RC3H1: variants seen among roughly 807,000 people sequenced by gnomAD.
RC3H1 encodes the protein roquin-1.
Under a neutral mutation model 138.2 loss-of-function variants are expected in RC3H1, and 50 were observed. The observed-to-expected ratio is 0.36, with a 90% CI of 0.29 to 0.46. The LOEUF (loss-of-function observed/expected upper bound fraction) is 0.46, where lower values mean the gene tolerates loss of function less well. RC3H1 is among the 20% of genes least tolerant of loss of function. The pLI, the probability that RC3H1 is intolerant of heterozygous loss-of-function variation, is 1.00. For missense variants in RC3H1, 1,031 were observed against 1,388.1 expected, an observed-to-expected ratio of 0.74 and a Z score of 4.09; for synonymous variants, 462 against 489.1, an observed-to-expected ratio of 0.94 and a Z score of 0.73.
At chr1:173,949,028 A>G (rs1394515173) in intron 14 of RC3H1, among the ~76,000 whole-genome samples, 4 of 150,594 alleles carry the variant, frequency 2.7e-5, no homozygotes, top group Non-Finnish European at 5.9e-5. Flanking sequence ...TTTCGTTCCA[A>G]TAAGAGCCTT....
chr1:173,985,865 T>C (rs1168274231), intron 2 of RC3H1, among the ~76,000 whole-genome samples: 1 of 152,226 alleles, frequency 6.6e-6, no homozygotes, highest in Non-Finnish European at 1.5e-5. Flanking sequence ...CATATGCTTA[T>C]TATCCATTTG....
At chr1:173,974,733 G>A (rs1475469765) in intron 7 of RC3H1, among the ~76,000 whole-genome samples, 1 of 152,120 alleles carries the variant, frequency 6.6e-6, no homozygotes, top group Non-Finnish European at 1.5e-5. Context: ...TATAGATCAT[G>A]GGAAGGATAC....
At chr1:173,948,775 G>A (rs1334226770) in intron 14 of RC3H1, among the ~76,000 whole-genome samples, 1 of 151,708 alleles carries the variant, frequency 6.6e-6, no homozygotes, top group Non-Finnish European at 1.5e-5. Context: ...TTGAAGAGAT[G>A]GGGTCTTGCT....
chr1:173,945,263 C>T (rs1029826304), intron 17 of RC3H1, among the ~76,000 whole-genome samples: 1 of 151,860 alleles, frequency 6.6e-6, no homozygotes, highest in Non-Finnish European at 1.5e-5. Flanking sequence ...GTAGCTGAGA[C>T]TACAGGCGTG....
At chr1:173,973,072 T>A (rs1660433517) in intron 7 of RC3H1, among the ~76,000 whole-genome samples, 1 of 152,218 alleles carries the variant, frequency 6.6e-6, no homozygotes, top group Non-Finnish European at 1.5e-5. Flanking sequence ...AAACTTGAGA[T>A]TTTTAAGTAA....
rs1181244870 is a variant in RC3H1, at chr1:173,992,976, G to C, written c.10C>G (p.Gln4Glu). ...AGGAAATCCGTCCATTGTGGAGCTT[G>C]TACAGGCATTGCTTCTGGAGTTACA... Reference protein sequence around the residue: MPVQAPQWTDFLSC... With the variant: MPVEAPQWTDFLSC... The change falls in exon 2 of 20, where the codon CAA becomes GAA. Residue 4 changes from glutamine (Q) to glutamate (E), a missense_variant. By Grantham distance (29) the Gln-to-Glu change is conservative (BLOSUM62 2). Coordinates refer to ENST00000367696, the MANE Select transcript of RC3H1 (RefSeq NM_172071.4). 1 of 1,611,988 alleles carries C rather than the reference G, an allele frequency of 6.2e-7. No homozygotes were observed. The highest frequency in any genetic ancestry group is 1.1e-5 in the South Asian group (1 of 91,034).
At chr1:173,949,914 C>A (rs965005578) in intron 14 of RC3H1, among the ~76,000 whole-genome samples, 2 of 152,070 alleles carry the variant, frequency 1.3e-5, no homozygotes, top group African/African-American at 4.8e-5. Flanking sequence ...CACCTGTAAT[C>A]CCAGCACTTT....
At chr1:173,986,017 CT>C (rs1557944193) in intron 2 of RC3H1, among the ~76,000 whole-genome samples, 1 of 151,852 alleles carries the variant, frequency 6.6e-6, no homozygotes, top group African/African-American at 2.4e-5. Flanking sequence ...TCAGTTTCCC[CT>C]ATTATTATTA....
chr1:173,987,771 C>T (rs1032686351), intron 2 of RC3H1, among the ~76,000 whole-genome samples: 2 of 152,044 alleles, frequency 1.3e-5, no homozygotes, highest in East Asian at 1.9e-4. Flanking sequence ...CGAGATATCT[C>T]GTATATCTAT....
Position 173,937,558 on chromosome 1 carries a change from A to T in RC3H1, c.*1163T>A, listed in dbSNP as rs1658660542. On this transcript the variant is annotated 3_prime_UTR_variant, in exon 20 of 20. Transcript: ENST00000367696. ...CCTTACTCTTTTCAATATTTTCATG[A>T]AGAAACATTTGCAACATTGGACAGT... 6.6e-6 allele frequency: 1 copy of T among 152,344 alleles called. No individual in the cohort carries two copies. Among genetic ancestry groups the T allele is most frequent in the African/African-American group, 2.4e-5 (1 of 41,442 alleles). The allele number at this position is 152,344 out of a possible 1,614,324, so 9.4% of individuals were successfully genotyped here. A position where few individuals can be genotyped will look rare whatever the true frequency, so the allele number is the denominator to read the frequency against.
chr1:173,949,161 AT>A (rs1659275812), intron 14 of RC3H1, among the ~76,000 whole-genome samples: 1 of 140,698 alleles, frequency 7.1e-6, no homozygotes, highest in African/African-American at 2.6e-5. Flanking sequence ...ATATAATTGT[AT>A]TTATGCTATT....
intron 1 of RC3H1, among the ~76,000 whole-genome samples, chr1:174,005,534 C>T (rs1187192415): frequency 6.6e-6 from 1 of 152,042 alleles, no homozygotes; most frequent in Non-Finnish European, 1.5e-5. Flanking sequence ...TGAATCATAA[C>T]CTTTTTGACA....
At chr1:174,005,303 A>G (rs912832190) in intron 1 of RC3H1, among the ~76,000 whole-genome samples, 4 of 152,224 alleles carry the variant, frequency 2.6e-5, no homozygotes, top group African/African-American at 9.6e-5. Flanking sequence ...AGGGGAGACT[A>G]GCAGAACTAC....
At chr1:173,989,336 C>A (rs1030366776) in intron 2 of RC3H1, among the ~76,000 whole-genome samples, 5 of 151,846 alleles carry the variant, frequency 3.3e-5, no homozygotes, top group African/African-American at 9.7e-5. Flanking sequence ...GGTGGGACTA[C>A]AAGCATGTGC....
intron 1 of RC3H1, among the ~76,000 whole-genome samples, chr1:173,995,240 T>C (rs1661435063): frequency 6.6e-6 from 1 of 152,018 alleles, no homozygotes; most frequent in African/African-American, 2.4e-5. Context: ...AGATAGAATA[T>C]AGTAGAGATG....
In RC3H1 at chr1:173,936,005, C is replaced by G. The variant is rs1420247918; in HGVS notation, c.*2716G>C. 6.6e-6 allele frequency: 1 copy of G among 152,118 alleles called. No homozygotes were observed. Among genetic ancestry groups the G allele is most frequent in the Non-Finnish European group, 1.5e-5 (1 of 68,016 alleles). The allele number at this position is 152,118 out of a possible 1,614,324, so 9.4% of individuals were successfully genotyped here. A position where few individuals can be genotyped will look rare whatever the true frequency, so the allele number is the denominator to read the frequency against. On this transcript the variant is annotated 3_prime_UTR_variant, in exon 20 of 20. Coordinates refer to ENST00000367696, the MANE Select transcript of RC3H1 (RefSeq NM_172071.4). Reference sequence around the variant, plus strand: ...AAAAGAGAAAGATACTATTTTAAGTCAAGTTTATACAGTGACTTTTCTGGT... The same window carrying G: ...AAAAGAGAAAGATACTATTTTAAGTGAAGTTTATACAGTGACTTTTCTGGT...
intron 18 of RC3H1, among the ~76,000 whole-genome samples, chr1:173,941,749 T>G (rs944991990): frequency 1.3e-5 from 2 of 149,550 alleles, no homozygotes; most frequent in African/African-American, 4.9e-5. Context: ...CTGGCCAACA[T>G]GGCGAAACCC....
At chr1:173,969,016 AC>A (rs1442188194) in intron 9 of RC3H1, among the ~76,000 whole-genome samples, 2 of 151,296 alleles carry the variant, frequency 1.3e-5, no homozygotes, top group Non-Finnish European at 2.9e-5. Context: ...ATGCCACCAC[AC>A]CCAGCTAATT....
chr1:174,017,804 A>AAAAAAAAAAAAAAAAAAAAAAAAAAC (rs1557954947), intron 1 of RC3H1, among the ~76,000 whole-genome samples: 1 of 145,070 alleles, frequency 6.9e-6, no homozygotes, highest in African/African-American at 2.6e-5. Context: ...AAAAAAAAAA[A>AAAAAAAAAAAAAAAAAAAAAAAAAAC]AAAAAACTGC....
Sources: gnomAD v4.1 joint callset for allele counts (sites outside exome capture counted in the v4.1 genomes callset) on GRCh38, gnomAD v4.1.1 for gene constraint, MANE v1.5 for transcripts, NCBI Gene and HGNC (gene_info 2026-07-23, HGNC 2026-07-21) for gene names.